RYR2: variants seen among roughly 807,000 people sequenced by gnomAD.
The protein encoded by RYR2 is ryanodine receptor 2, also known as cardiac muscle ryanodine receptor-calcium release channel.
A neutral mutation model predicts 601.1 loss-of-function variants in RYR2; 227 were observed. The ratio of observed to expected loss-of-function variants is 0.38; its 90% CI spans 0.34 to 0.42. The LOEUF (loss-of-function observed/expected upper bound fraction) is 0.42. RYR2 is among the 10% of genes least tolerant of loss of function. The pLI is 1.00. For missense variants in RYR2, 4,646 were observed against 6,156.5 expected, an observed-to-expected ratio of 0.75 and a Z score of 8.21; for synonymous variants, 2,223 against 2,175.1, an observed-to-expected ratio of 1.02 and a Z score of -0.61.
chr1:237,367,312 G>A (rs1700276705), intron 5 of RYR2, among the ~76,000 whole-genome samples: 1 of 152,038 alleles, frequency 6.6e-6, no homozygotes, highest in Non-Finnish European at 1.5e-5. Flanking sequence ...GGCTGGTCTT[G>A]AACTCCTGAC....
At chr1:237,270,965 T>C (rs1572425851) in intron 2 of RYR2, among the ~76,000 whole-genome samples, 1 of 152,302 alleles carries the variant, frequency 6.6e-6, no homozygotes, top group African/African-American at 2.4e-5. Context: ...TTAGGCTCAT[T>C]GTATTTTTTT....
At chr1:237,374,086 T>C (rs1238218876) in intron 6 of RYR2, among the ~76,000 whole-genome samples, 1 of 152,206 alleles carries the variant, frequency 6.6e-6, no homozygotes, top group African/African-American at 2.4e-5. Context: ...TTGCCCCTAA[T>C]GCATGCTGTT....
intron 1 of RYR2, among the ~76,000 whole-genome samples, chr1:237,183,138 A>T (rs1050015427): frequency 5.9e-5 from 9 of 152,206 alleles, no homozygotes; most frequent in African/African-American, 2.2e-4. Context: ...GCAGATTGGA[A>T]TAAAGCTATA....
chr1:237,239,224 G>A (rs1454104495), intron 1 of RYR2, among the ~76,000 whole-genome samples: 1 of 152,054 alleles, frequency 6.6e-6, no homozygotes, highest in Non-Finnish European at 1.5e-5. Flanking sequence ...TGTTTGTCTG[G>A]GGTAATACCC....
intron 12 of RYR2, among the ~76,000 whole-genome samples, chr1:237,432,876 G>A (rs1388459597): frequency 7.3e-6 from 1 of 136,488 alleles, no homozygotes; most frequent in African/African-American, 2.7e-5. Flanking sequence ...TCTTTTTGTT[G>A]TTTTTTTTTT....
intron 80 of RYR2, among the ~76,000 whole-genome samples, chr1:237,755,318 G>A (rs1359126185): frequency 6.6e-6 from 1 of 152,150 alleles, no homozygotes; most frequent in Non-Finnish European, 1.5e-5. Context: ...TGGCAGCAAA[G>A]CTGTCATTCT....
chr1:237,202,304 G>A (rs1487718265), intron 1 of RYR2, among the ~76,000 whole-genome samples: 1 of 151,964 alleles, frequency 6.6e-6, no homozygotes, highest in Non-Finnish European at 1.5e-5. Context: ...ACCTCTTTTT[G>A]AGTCTGAGCA....
intron 10 of RYR2, among the ~76,000 whole-genome samples, chr1:237,403,021 T>C (rs529222873): frequency 6.6e-6 from 1 of 152,026 alleles, no homozygotes; most frequent in African/African-American, 2.4e-5. Context: ...AGTCCCAAAA[T>C]GAAAGGACAA....
intron 64 of RYR2, 47 bp downstream of exon 64, chr1:237,699,072 C>G (rs756051583): frequency 1.2e-6 from 1 of 868,346 alleles, no homozygotes; most frequent in African/African-American, 1.7e-5. Context: ...AATAATGATA[C>G]ATGTATATAT....
At chr1:237,693,144 T>C (rs1201128213) in intron 63 of RYR2, among the ~76,000 whole-genome samples, 1 of 152,184 alleles carries the variant, frequency 6.6e-6, no homozygotes, top group Non-Finnish European at 1.5e-5. Flanking sequence ...CCTTTGTTTA[T>C]TTTGCTTAAG....
chr1:237,652,134 G>A (rs186050780), intron 51 of RYR2, among the ~76,000 whole-genome samples: 180 of 152,272 alleles, frequency 1.2e-3, no homozygotes, highest in Non-Finnish European at 2.1e-3. Flanking sequence ...TAGAAACCTC[G>A]AGAGATAAAG....
intron 1 of RYR2, among the ~76,000 whole-genome samples, chr1:237,101,390 G>A (rs547651303): frequency 6.6e-6 from 1 of 150,522 alleles, no homozygotes; most frequent in African/African-American, 2.4e-5. Context: ...ATTAAGGGGA[G>A]CAATCTCCTT....
At chr1:237,334,079 A>G (rs1446008024) in intron 3 of RYR2, among the ~76,000 whole-genome samples, 4 of 152,176 alleles carry the variant, frequency 2.6e-5, no homozygotes, top group Admixed American at 6.5e-5. Context: ...AGCAATACAA[A>G]CACACTTGAT....
intron 66 of RYR2, 124 bp downstream of exon 66, chr1:237,702,183 A>G (rs1237511731): frequency 1.7e-6 from 1 of 602,468 alleles, no homozygotes; most frequent in Non-Finnish European, 2.9e-6. Context: ...TGACCTTTGA[A>G]ATTCCTTGGA....
At position 237,779,185 on chromosome 1, in the gene RYR2, G is replaced by C. The variant is rs112939796; in HGVS notation, c.11880+415G>C. On this transcript the variant is annotated intron_variant, in intron 88 of 104. Transcript: ENST00000366574. ...AATTTTGTTACAGGGTCTTAAACAA[G>C]CAGATGTTCTCAGTAGGGCGATGCT... is the stretch of plus-strand genomic sequence containing the variant. Among the ~76,000 whole-genome samples, 167 of 152,252 alleles carry C rather than the reference G, an allele frequency of 1.1e-3. 1 individual carries two copies. The highest frequency in any genetic ancestry group is 3.9e-3 in the African/African-American group (164 of 41,552).
At chr1:237,736,322 A>G (rs570069945) in intron 79 of RYR2, among the ~76,000 whole-genome samples, 3 of 152,112 alleles carry the variant, frequency 2.0e-5, no homozygotes, top group Non-Finnish European at 4.4e-5. Flanking sequence ...TTAGCCAGGC[A>G]CGGTGGTGCA....
chr1:237,197,630 G>A (rs991556231), intron 1 of RYR2, among the ~76,000 whole-genome samples: 3 of 152,164 alleles, frequency 2.0e-5, no homozygotes, highest in Non-Finnish European at 2.9e-5. Context: ...GATGAGATCC[G>A]AAGTGATGTC....
chr1:237,488,382 A>T (rs2927941), intron 17 of RYR2, among the ~76,000 whole-genome samples: 42,247 of 152,016 alleles, frequency 0.28, 5,955 homozygotes, highest in South Asian at 0.41. Context: ...TCCTTTCTCA[A>T]AGAAAGTTCG....
At chr1:237,283,144 C>A (rs1691080029) in intron 2 of RYR2, among the ~76,000 whole-genome samples, 1 of 152,168 alleles carries the variant, frequency 6.6e-6, no homozygotes, top group African/African-American at 2.4e-5. Context: ...TGAAGGAAGT[C>A]TCTTCATTGT....
Sources: allele counts gnomAD v4.1 joint callset (sites outside exome capture counted in the v4.1 genomes callset), GRCh38; gene constraint gnomAD v4.1.1; transcripts MANE v1.5; gene names NCBI Gene and HGNC (gene_info 2026-07-23, HGNC 2026-07-21).